The following C8orf34 variants were observed in gnomAD, a reference collection of about 807,000 sequenced individuals.
C8orf34 encodes uncharacterized protein C8orf34.
Under a neutral mutation model 68.3 loss-of-function variants are expected in C8orf34, and 65 were observed. The observed-to-expected ratio is 0.95, with a 90% confidence interval of 0.78 to 1.17. The LOEUF is 1.17. Ranked by LOEUF, C8orf34 falls within the 50% of genes most tolerant of loss-of-function variation. The probability of loss-of-function intolerance (pLI) is 0.00; values close to 1 mark genes in which losing one functional copy is unlikely to be tolerated. For missense variants in C8orf34, 664 were observed against 655.4 expected, an observed-to-expected ratio of 1.01 and a Z score of -0.14; for synonymous variants, 244 against 241.2, an observed-to-expected ratio of 1.01 and a Z score of -0.11.
chr8:68,674,484 G>C (rs1250185743), intron 8 of C8orf34, among the ~76,000 whole-genome samples: 1 of 152,090 alleles, frequency 6.6e-6, no homozygotes, highest in Non-Finnish European at 1.5e-5. Flanking sequence ...AAAAATTCTG[G>C]AGTTGAAAAA....
At position 68,349,542 on chromosome 8, in the gene C8orf34, T is replaced by G. The variant is rs373180864; in HGVS notation, c.327+18203T>G. On this transcript the variant is annotated intron_variant, in intron 1 of 13. Transcript: ENST00000518698. ...CCTCAATTGTTGGGAAATATTCCAGTAGGAATGGCACCAGCTTTTCTTTGT... is the reference window on the plus strand; with the variant it reads ...CCTCAATTGTTGGGAAATATTCCAGGAGGAATGGCACCAGCTTTTCTTTGT... Among the ~76,000 whole-genome samples, 11 of 152,014 alleles carry G rather than the reference T, an allele frequency of 7.2e-5. No homozygotes were observed. In the East Asian group the frequency reaches 1.2e-3, roughly 16 times the overall value.
chr8:68,593,857 T>TA (rs1333723490), intron 7 of C8orf34, among the ~76,000 whole-genome samples: 1 of 152,114 alleles, frequency 6.6e-6, no homozygotes, highest in Non-Finnish European at 1.5e-5. Context: ...TCTTGTTTTT[T>TA]AATAAGCATG....
At chr8:68,580,338 A>G (rs1025775529) in intron 7 of C8orf34, among the ~76,000 whole-genome samples, 7 of 152,082 alleles carry the variant, frequency 4.6e-5, no homozygotes, top group Admixed American at 2.6e-4. Context: ...GAGGAGTAAA[A>G]GAAGAAGAAA....
At chr8:68,559,811 T>G (rs915664938) in intron 7 of C8orf34, among the ~76,000 whole-genome samples, 2 of 152,200 alleles carry the variant, frequency 1.3e-5, no homozygotes, top group Non-Finnish European at 2.9e-5. Flanking sequence ...CATGCTATGA[T>G]GTAGCAAGAA....
chr8:68,681,973 G>A (rs768279622), intron 8 of C8orf34, among the ~76,000 whole-genome samples: 1 of 152,094 alleles, frequency 6.6e-6, no homozygotes, highest in Non-Finnish European at 1.5e-5. Context: ...TAAAATAATT[G>A]AATTCATGAA....
chr8:68,660,906 G>A (rs190875622), intron 8 of C8orf34, among the ~76,000 whole-genome samples: 2 of 151,960 alleles, frequency 1.3e-5, no homozygotes, highest in African/African-American at 2.4e-5. Flanking sequence ...AAAAAGGGGG[G>A]GGAAAAACAA....
chr8:68,745,804 C>T (rs1387752876), intron 10 of C8orf34, among the ~76,000 whole-genome samples: 1 of 152,136 alleles, frequency 6.6e-6, no homozygotes, highest in Non-Finnish European at 1.5e-5. Flanking sequence ...TAACACCCCA[C>T]TATCAACATT....
chr8:68,499,270 A>T (rs1813664297), intron 5 of C8orf34, among the ~76,000 whole-genome samples: 1 of 152,198 alleles, frequency 6.6e-6, no homozygotes, highest in Non-Finnish European at 1.5e-5. Context: ...GTTCTTTTAT[A>T]TGGCTGCATA....
chr8:68,345,108 T>G (rs558449016), intron 1 of C8orf34, among the ~76,000 whole-genome samples: 1 of 152,078 alleles, frequency 6.6e-6, no homozygotes, highest in South Asian at 2.1e-4. Context: ...TATAAATGTA[T>G]TAAATTATTT....
chr8:68,558,065 C>T (rs980268980), intron 7 of C8orf34, among the ~76,000 whole-genome samples: 14 of 152,278 alleles, frequency 9.2e-5, no homozygotes, highest in Admixed American at 3.9e-4. Flanking sequence ...GATGCTCAAA[C>T]GCCTGTGGTT....
intron 12 of C8orf34, among the ~76,000 whole-genome samples, chr8:68,790,145 T>C (rs1019477567): frequency 2.0e-5 from 3 of 152,196 alleles, no homozygotes; most frequent in Non-Finnish European, 4.4e-5. Flanking sequence ...CATGTATACA[T>C]TGGAGCCACT....
At chr8:68,634,609 A>T (rs1411558660) in intron 7 of C8orf34, among the ~76,000 whole-genome samples, 2 of 152,170 alleles carry the variant, frequency 1.3e-5, no homozygotes, top group African/African-American at 2.4e-5. Flanking sequence ...GTTGTCAAGG[A>T]AATGGAACTA....
At chr8:68,376,177 AG>A (rs892211047) in intron 1 of C8orf34, among the ~76,000 whole-genome samples, 30 of 150,236 alleles carry the variant, frequency 2.0e-4, no homozygotes, top group African/African-American at 6.6e-4. Context: ...CTGTCAGAAA[AG>A]GCAGACATAA....
intron 7 of C8orf34, among the ~76,000 whole-genome samples, chr8:68,586,232 A>T (rs1178779673): frequency 6.6e-6 from 1 of 152,176 alleles, no homozygotes; most frequent in Non-Finnish European, 1.5e-5. Flanking sequence ...ACTTATCTAC[A>T]TCTTCCATCA....
intron 3 of C8orf34, among the ~76,000 whole-genome samples, chr8:68,455,604 C>G (rs1050162614): frequency 5.3e-5 from 8 of 151,972 alleles, no homozygotes; most frequent in Admixed American, 2.0e-4. Context: ...GATCATTATT[C>G]CTTTATTATT....
At chr8:68,766,017 GA>G (rs909982628) in intron 10 of C8orf34, among the ~76,000 whole-genome samples, 12 of 150,734 alleles carry the variant, frequency 8.0e-5, no homozygotes, top group African/African-American at 2.2e-4. Context: ...GTTGTTGAAT[GA>G]AAAAAAAATT....
At chr8:68,528,387 A>C (rs1815103529) in intron 6 of C8orf34, among the ~76,000 whole-genome samples, 1 of 152,162 alleles carries the variant, frequency 6.6e-6, no homozygotes, top group Admixed American at 6.5e-5. Context: ...CTGGGACCCC[A>C]AAAACACTGA....
chr8:68,695,324 T>C (rs1255912253), intron 8 of C8orf34, among the ~76,000 whole-genome samples: 4 of 152,068 alleles, frequency 2.6e-5, no homozygotes, highest in Non-Finnish European at 4.4e-5. Context: ...AATTTTTGTA[T>C]TTTTAGTAGA....
intron 1 of C8orf34, among the ~76,000 whole-genome samples, chr8:68,417,586 C>T (rs1043979618): frequency 2.0e-5 from 3 of 152,128 alleles, no homozygotes; most frequent in East Asian, 1.9e-4. Context: ...CTATATTATT[C>T]TTGAACACAT....
Sources: gnomAD v4.1 joint callset for allele counts (sites outside exome capture counted in the v4.1 genomes callset) on GRCh38, gnomAD v4.1.1 for gene constraint, MANE v1.5 for transcripts, NCBI Gene and HGNC (gene_info 2026-07-23, HGNC 2026-07-21) for gene names.